The following VWA3B variants were observed in gnomAD, a reference collection of about 807,000 sequenced individuals.
VWA3B encodes von Willebrand factor A domain-containing protein 3B.
VWA3B carries 138 observed loss-of-function variants against 158.3 expected under a neutral mutation model. The ratio of observed to expected loss-of-function variants is 0.87; its 90% CI spans 0.76 to 1.00. The LOEUF is 1.00. Among genes scored for constraint, VWA3B ranks in the 50% least tolerant of loss-of-function variants. The pLI is 0.00. For missense variants in VWA3B, 1,555 were observed against 1,565.1 expected (o/e 0.99, Z 0.11); for synonymous variants, 596 against 587.3 (o/e 1.01, Z -0.21).
In VWA3B at chr2:98,133,930, C is replaced by A. The variant is rs1676060248; in HGVS notation, c.979C>A (p.Leu327Ile). The change falls in exon 7 of 28, where the codon CTC (leucine) becomes ATC (isoleucine). Residue 327 changes from leucine to isoleucine, a missense_variant. Physicochemically the swap from Leu to Ile is conservative, Grantham distance 5 (BLOSUM62 2). Transcript: ENST00000477737. ...TWNSRKLKGK[L>I]PPGAGVREDV... ...GAATTCAAGGAAACTGAAAGGAAAA[C>A]TCCCTCCAGGTACCTGGAATCCAAA... 8 of 1,614,046 alleles carry A rather than the reference C, an allele frequency of 5.0e-6. No individual in the cohort carries two copies. The highest frequency in any genetic ancestry group is 5.1e-6 in the Non-Finnish European group (6 of 1,179,920).
intron 12 of VWA3B, among the ~76,000 whole-genome samples, chr2:98,198,599 A>G (rs1682261746): frequency 6.6e-6 from 1 of 152,066 alleles, no homozygotes; most frequent in Non-Finnish European, 1.5e-5. Context: ...TGATAAATGC[A>G]TAGAGTCATG....
At chr2:98,291,659 G>A (rs533440090) in intron 23 of VWA3B, 1 of 152,366 alleles carries the variant, frequency 6.6e-6, no homozygotes, top group African/African-American at 2.4e-5. Context: ...ATACCAAGGG[G>A]TTAGGATGTC....
chr2:98,142,842 C>T (rs755060519), intron 7 of VWA3B, among the ~76,000 whole-genome samples: 1 of 151,964 alleles, frequency 6.6e-6, no homozygotes, highest in Non-Finnish European at 1.5e-5. Context: ...CTCTAGAGTA[C>T]GATTGGGAAG....
At chr2:98,146,841 A>G (rs1677208375) in intron 7 of VWA3B, among the ~76,000 whole-genome samples, 2 of 152,228 alleles carry the variant, frequency 1.3e-5, no homozygotes, top group African/African-American at 4.8e-5. Flanking sequence ...TCATCCTGGA[A>G]GTAAAGGCTA....
intron 12 of VWA3B, 55 bp downstream of exon 12, chr2:98,194,547 T>C: frequency 1.3e-6 from 2 of 1,582,838 alleles, no homozygotes; most frequent in South Asian, 1.1e-5. Context: ...ACCTGTGTAC[T>C]GAGTTCATTC....
intron 21 of VWA3B, among the ~76,000 whole-genome samples, chr2:98,267,435 G>A (rs1384677447): frequency 1.3e-5 from 2 of 152,046 alleles, no homozygotes; most frequent in Non-Finnish European, 2.9e-5. Flanking sequence ...GCTCCCGAAT[G>A]ACTACTGGGT....
chr2:98,192,338 A>G (rs1681660382), intron 10 of VWA3B: 1 of 155,724 alleles, frequency 6.4e-6, no homozygotes, highest in Non-Finnish European at 1.4e-5. Context: ...GCAAAGGGAG[A>G]TAAGGTTGGG....
chr2:98,312,598 A>G lies in VWA3B; in HGVS notation c.*249A>G. 2 of 444,708 alleles carry G rather than the reference A, an allele frequency of 4.5e-6. No homozygotes were observed. Among genetic ancestry groups the G allele is most frequent in the Non-Finnish European group, 7.9e-6 (2 of 254,208 alleles). The allele number at this position is 444,708 out of a possible 1,614,324, so 27.5% of individuals were successfully genotyped here. A position where few individuals can be genotyped will look rare whatever the true frequency, so the allele number is the denominator to read the frequency against. ...TTTCCCCCTGCACTCACAAAATTGT[A>G]TTCCATCTTCTGGTAGACGCCCCAC... is the stretch of plus-strand genomic sequence containing the variant. On this transcript the variant is annotated 3_prime_UTR_variant, in exon 28 of 28. Transcript: ENST00000477737.
At chr2:98,184,425 GA>G (rs1220131300) in intron 9 of VWA3B, among the ~76,000 whole-genome samples, 1 of 152,206 alleles carries the variant, frequency 6.6e-6, no homozygotes, top group Non-Finnish European at 1.5e-5. Flanking sequence ...GAAACTGGAG[GA>G]AAACAGCCAC....
chr2:98,093,334 G>A (rs1418907254), intron 2 of VWA3B, 46 bp downstream of exon 2: 2 of 1,594,126 alleles, frequency 1.3e-6, no homozygotes, highest in Non-Finnish European at 8.6e-7. Flanking sequence ...TAGCCTTTGA[G>A]GTGGAGGTGG....
chr2:98,317,520 T>C (rs990187268), downstream of VWA3B, among the ~76,000 whole-genome samples: 1 of 152,226 alleles, frequency 6.6e-6, no homozygotes, highest in African/African-American at 2.4e-5. Context: ...TGAAGCCTGC[T>C]ACCTGGAGGC....
At chr2:98,191,540 G>C (rs1681570413) in intron 10 of VWA3B, among the ~76,000 whole-genome samples, 1 of 152,134 alleles carries the variant, frequency 6.6e-6, no homozygotes, top group African/African-American at 2.4e-5. Flanking sequence ...TAGATCTAGG[G>C]TCGCCTTTAG....
chr2:98,117,748 C>CTTT (rs35080840), intron 3 of VWA3B, among the ~76,000 whole-genome samples: 14 of 119,462 alleles, frequency 1.2e-4, no homozygotes, highest in African/African-American at 2.4e-4. Context: ...CTTAAATTAC[C>CTTT]TTTTTTTTTT....
intron 22 of VWA3B, among the ~76,000 whole-genome samples, chr2:98,274,103 G>A (rs1688373429): frequency 6.6e-6 from 1 of 152,192 alleles, no homozygotes. Context: ...GTGTTGAGTA[G>A]CCTCTCTCAT....
At chr2:98,220,599 T>C (rs766872970) in intron 14 of VWA3B, among the ~76,000 whole-genome samples, 6 of 152,202 alleles carry the variant, frequency 3.9e-5, no homozygotes, top group Non-Finnish European at 7.3e-5. Flanking sequence ...ATCCCATTAC[T>C]CGGTATATAC....
At chr2:98,116,703 G>C (rs1019950486) in intron 3 of VWA3B, among the ~76,000 whole-genome samples, 3 of 152,022 alleles carry the variant, frequency 2.0e-5, no homozygotes, top group African/African-American at 7.3e-5. Context: ...ACGGGGTCTC[G>C]CCATGTTGCC....
At chr2:98,180,306 C>A (rs1680454477) in intron 8 of VWA3B, among the ~76,000 whole-genome samples, 1 of 152,150 alleles carries the variant, frequency 6.6e-6, no homozygotes, top group Non-Finnish European at 1.5e-5. Context: ...GCAGTTCTGC[C>A]TCAGCCTCCC....
At chr2:98,213,531 G>A (rs1002778422) in intron 13 of VWA3B, among the ~76,000 whole-genome samples, 1 of 152,224 alleles carries the variant, frequency 6.6e-6, no homozygotes, top group Admixed American at 6.5e-5. Context: ...CTCATGGCCA[G>A]TTTGGAAACA....
chr2:98,136,651 A>G (rs992156869), intron 7 of VWA3B, among the ~76,000 whole-genome samples: 1 of 151,840 alleles, frequency 6.6e-6, no homozygotes, highest in Admixed American at 6.6e-5. Context: ...CTCTTTTATA[A>G]GAGCACTAAT....
Sources: allele counts gnomAD v4.1 joint callset (sites outside exome capture counted in the v4.1 genomes callset), GRCh38; gene constraint gnomAD v4.1.1; transcripts MANE v1.5; gene names NCBI Gene and HGNC (gene_info 2026-07-23, HGNC 2026-07-21).